SGMS1: variants seen among roughly 807,000 people sequenced by gnomAD.
SGMS1 encodes the protein phosphatidylcholine:ceramide cholinephosphotransferase 1.
Under a neutral mutation model 46.2 loss-of-function variants are expected in SGMS1, and 13 were observed. That is an observed-to-expected ratio of 0.28 (90% CI 0.18 to 0.45). SGMS1 has a LOEUF of 0.45. Ranked by LOEUF, SGMS1 falls within the 20% of genes least tolerant of loss-of-function variation. The pLI is 1.00. For synonymous variants in SGMS1, 203 were observed against 187.8 expected, an observed-to-expected ratio of 1.08 and a Z score of -0.66; for missense variants, 324 against 519.9, an observed-to-expected ratio of 0.62 and a Z score of 3.66.
At chr10:50,337,812 T>C (rs986956316) in intron 7 of SGMS1, among the ~76,000 whole-genome samples, 4 of 151,428 alleles carry the variant, frequency 2.6e-5, no homozygotes, top group South Asian at 2.1e-4. Context: ...TAATCTCTTA[T>C]GTTGGCTGAT....
At chr10:50,308,993 A>G (rs1368552971) in intron 9 of SGMS1, among the ~76,000 whole-genome samples, 1 of 152,228 alleles carries the variant, frequency 6.6e-6, no homozygotes, top group Non-Finnish European at 1.5e-5. Flanking sequence ...TGCTCTAGAT[A>G]CCTGGATCAA....
chr10:50,333,510 G>A (rs894948182), intron 7 of SGMS1, among the ~76,000 whole-genome samples: 1 of 152,040 alleles, frequency 6.6e-6, no homozygotes, highest in Non-Finnish European at 1.5e-5. Context: ...TGGAGATTGG[G>A]GCCTGTGAGT....
At chr10:50,407,948 A>G (rs1022371809) in intron 6 of SGMS1, among the ~76,000 whole-genome samples, 2 of 152,174 alleles carry the variant, frequency 1.3e-5, no homozygotes, top group African/African-American at 2.4e-5. Flanking sequence ...ATATCAAAAA[A>G]TTCATTTAAA....
chr10:50,327,141 C>G, intron 8 of SGMS1, 64 bp downstream of exon 8: 3 of 974,262 alleles, frequency 3.1e-6, no homozygotes, highest in Non-Finnish European at 4.9e-6. Context: ...CAACCTCACT[C>G]AAAGGACCCC....
At chr10:50,362,766 A>G (rs1848270679) in intron 6 of SGMS1, among the ~76,000 whole-genome samples, 1 of 152,224 alleles carries the variant, frequency 6.6e-6, no homozygotes, top group African/African-American at 2.4e-5. Context: ...GCTATGAAAT[A>G]AAGAATTGAA....
chr10:50,379,270 C>T (rs1401517461), intron 6 of SGMS1, among the ~76,000 whole-genome samples: 1 of 152,172 alleles, frequency 6.6e-6, no homozygotes, highest in Admixed American at 6.5e-5. Flanking sequence ...ACCTAAATAT[C>T]CTTCACTGTG....
chr10:50,515,033 G>A (rs1454267193), intron 3 of SGMS1, among the ~76,000 whole-genome samples: 1 of 152,240 alleles, frequency 6.6e-6, no homozygotes, highest in Non-Finnish European at 1.5e-5. Flanking sequence ...ACAGGTTGGA[G>A]AGGAAGGTGA....
chr10:50,478,152 T>C (rs1178986773), intron 3 of SGMS1, among the ~76,000 whole-genome samples: 3 of 152,184 alleles, frequency 2.0e-5, no homozygotes, highest in East Asian at 3.8e-4. Context: ...TCTTAACAGA[T>C]ATAATATAAA....
intron 8 of SGMS1, among the ~76,000 whole-genome samples, chr10:50,323,962 C>T (rs902570847): frequency 1.3e-5 from 2 of 152,166 alleles, no homozygotes; most frequent in African/African-American, 4.8e-5. Context: ...ACTATATCTA[C>T]CTTCCTCATG....
intron 6 of SGMS1, among the ~76,000 whole-genome samples, chr10:50,417,571 T>G (rs1162975698): frequency 3.3e-5 from 5 of 152,186 alleles, no homozygotes; most frequent in Admixed American, 6.5e-5. Flanking sequence ...CAGGGGCACG[T>G]GCATCCTTGT....
At chr10:50,340,922 C>T (rs1847807494) in intron 7 of SGMS1, among the ~76,000 whole-genome samples, 1 of 152,148 alleles carries the variant, frequency 6.6e-6, no homozygotes, top group Admixed American at 6.5e-5. Context: ...GGATCCAGGA[C>T]TTTTAAAATC....
Position 50,623,953 on chromosome 10 carries a change from G to C in SGMS1, c.-930C>G, listed in dbSNP as rs1838884093. 1 of 985,812 alleles carries C rather than the reference G, an allele frequency of 1.0e-6. No homozygotes were observed. The highest frequency in any genetic ancestry group is 1.7e-5 in the African/African-American group (1 of 57,248). The allele number at this position is 985,812 out of a possible 1,614,324, so 61.1% of individuals were successfully genotyped here. On this transcript the variant is annotated 5_prime_UTR_variant, in exon 1 of 11. Coordinates refer to ENST00000361781, the MANE Select transcript of SGMS1 (RefSeq NM_147156.4). The stretch of plus-strand genomic sequence containing the variant: ...TCGACTTGCCACCGCGAGCCTCCCG[G>C]GCTGCCGAGCATGCCCAGTCCGCTG...
At chr10:50,604,943 G>T (rs955623540) in intron 1 of SGMS1, among the ~76,000 whole-genome samples, 1 of 152,222 alleles carries the variant, frequency 6.6e-6, no homozygotes, top group African/African-American at 2.4e-5. Context: ...TTTAGAAAAT[G>T]TGAGCAATGT....
intron 1 of SGMS1, among the ~76,000 whole-genome samples, chr10:50,596,616 T>C (rs1255907061): frequency 2.0e-5 from 3 of 152,244 alleles, no homozygotes; most frequent in Admixed American, 1.3e-4. Flanking sequence ...AGTAAAACAT[T>C]TGGCACATTT....
At chr10:50,461,529 T>C (rs1837264082) in intron 4 of SGMS1, among the ~76,000 whole-genome samples, 5 of 152,226 alleles carry the variant, frequency 3.3e-5, no homozygotes, top group African/African-American at 1.2e-4. Context: ...ATTTTCTTTT[T>C]TTTCCTGTGA....
chr10:50,375,976 T>A (rs931258425), intron 6 of SGMS1, among the ~76,000 whole-genome samples: 3 of 152,092 alleles, frequency 2.0e-5, no homozygotes, highest in African/African-American at 7.2e-5. Flanking sequence ...AGACTACAAG[T>A]GAGTACTACT....
At chr10:50,447,181 G>A (rs1837029201) in intron 5 of SGMS1, among the ~76,000 whole-genome samples, 1 of 152,062 alleles carries the variant, frequency 6.6e-6, no homozygotes, top group Non-Finnish European at 1.5e-5. Context: ...AAGGGAGAGA[G>A]ACTCAAAAAG....
chr10:50,609,350 G>A (rs931977320), intron 1 of SGMS1, among the ~76,000 whole-genome samples: 4 of 152,030 alleles, frequency 2.6e-5, no homozygotes, highest in African/African-American at 9.7e-5. Context: ...TGTGGTTGCA[G>A]AACCCATGGA....
intron 6 of SGMS1, among the ~76,000 whole-genome samples, chr10:50,378,787 C>T (rs1032128793): frequency 5.3e-5 from 8 of 152,114 alleles, no homozygotes. Context: ...ATCTTAGTAC[C>T]TACCTGATGT....
Sources: gnomAD v4.1 joint callset for allele counts (sites outside exome capture counted in the v4.1 genomes callset) on GRCh38, gnomAD v4.1.1 for gene constraint, MANE v1.5 for transcripts, NCBI Gene and HGNC (gene_info 2026-07-23, HGNC 2026-07-21) for gene names.